GEMIN2: variants seen among roughly 807,000 people sequenced by gnomAD.
The protein encoded by GEMIN2 is gem nuclear organelle associated protein 2, also known as gem-associated protein 2.
Under a neutral mutation model 45.8 loss-of-function variants are expected in GEMIN2, and 37 were observed. The observed-to-expected ratio is 0.81, with a 90% CI of 0.62 to 1.06. The LOEUF (loss-of-function observed/expected upper bound fraction) is 1.06. GEMIN2 is among the 50% of genes least tolerant of loss of function. The probability of loss-of-function intolerance (pLI) is 0.00; values close to 1 mark genes in which losing one functional copy is unlikely to be tolerated. For missense variants in GEMIN2, 335 were observed against 321.8 expected, an observed-to-expected ratio of 1.04 and a Z score of -0.31; for synonymous variants, 101 against 111.5, an observed-to-expected ratio of 0.91 and a Z score of 0.60.
rs576451720 is a variant in GEMIN2, at chr14:39,131,083, A to T, written c.601-875A>T. On this transcript the variant is annotated intron_variant, in intron 7 of 9. Transcript: ENST00000308317. ...GAGGCTAAGGCAGGCAGATCACTTG[A>T]GGTCAGGAGTTCGAGACCAGCCTGA... 7.9e-5 allele frequency among the ~76,000 whole-genome samples: 12 copies of T among 152,254 alleles called. No homozygotes were observed. The South Asian group carries it at 2.5e-3, about 32-fold the overall frequency.
In GEMIN2 at chr14:39,131,958, G is replaced by A. The variant is rs749645047; in HGVS notation, c.601G>A (p.Gly201Arg). ...FGERDFTPELGRWLYALLACL... is the reference protein window; with the variant it reads ...FGERDFTPELRRWLYALLACL... Reference sequence around the variant, plus strand: ...ATTAATTTTTTGAATTTTTTTTTAGGGAAGATGGCTTTATGCTTTATTGGC... The same window carrying A: ...ATTAATTTTTTGAATTTTTTTTTAGAGAAGATGGCTTTATGCTTTATTGGC... Residue 201 changes from glycine (G) to arginine (R), a missense_variant and splice_region_variant, in exon 8 of 10, where the codon GGA becomes AGA. By Grantham distance (125) the Gly-to-Arg change is moderately radical. Transcript: ENST00000308317. 7 of 1,497,126 alleles carry A rather than the reference G, an allele frequency of 4.7e-6. No individual in the cohort carries two copies. The Admixed American group carries it at 5.4e-5, about 12-fold the overall frequency. The allele number at this position is 1,497,126 out of a possible 1,614,324, so 92.7% of individuals were successfully genotyped here.
intron 4 of GEMIN2, chr14:39,121,878 A>G (rs10132073): frequency 0.039 from 4,398 of 112,808 alleles, 103 homozygotes; most frequent in African/African-American, 0.073. Flanking sequence ...ACATCCGGCT[A>G]ATTTTTTTTT....
At chr14:39,114,712 G>A (rs2094790295) in intron 1 of GEMIN2, 117 bp from the exon 2 acceptor site, 1 of 695,708 alleles carries the variant, frequency 1.4e-6, no homozygotes, top group Admixed American at 2.7e-5. Context: ...ACCTCAATTG[G>A]AAGTCTGAAT....
At chr14:39,115,672 G>C (rs1370487637) in intron 2 of GEMIN2, among the ~76,000 whole-genome samples, 1 of 151,822 alleles carries the variant, frequency 6.6e-6, no homozygotes, top group South Asian at 2.1e-4. Context: ...GTCCAGTCTG[G>C]TCTTGAACTC....
At chr14:39,133,759 G>A in intron 9 of GEMIN2, 40 bp downstream of exon 9, 1 of 1,081,344 alleles carries the variant, frequency 9.2e-7, no homozygotes, top group Non-Finnish European at 1.3e-6. Flanking sequence ...TTATCAGTGA[G>A]GTCAGTGAGG....
chr14:39,122,168 T>C (rs1339844747), intron 4 of GEMIN2: 6 of 363,340 alleles, frequency 1.7e-5, no homozygotes, highest in Non-Finnish European at 3.0e-5. Flanking sequence ...ACTAGTAAGA[T>C]TGGATTACGG....
In GEMIN2 at chr14:39,136,454, G is replaced by A. The variant is rs751872461; in HGVS notation, c.785G>A (p.Arg262His). 20 of 1,570,282 alleles carry A rather than the reference G, an allele frequency of 1.3e-5. No homozygotes were observed. The highest frequency in any genetic ancestry group is 2.7e-5 in the African/African-American group (2 of 73,964). Reference sequence around the variant, plus strand: ...TTTTTTACTAGGTATTTTGACCAACGTGATTTAGCTGATGAGCCATCTTGA... The same window carrying A: ...TTTTTTACTAGGTATTTTGACCAACATGATTTAGCTGATGAGCCATCTTGA... ...ICLVSRYFDQ[R>H]DLADEPS The change falls in exon 10 of 10, where the codon CGT becomes CAT. Residue 262 changes from arginine (R) to histidine (H), a missense_variant. Physicochemically the swap from Arg to His is conservative, Grantham distance 29. Coordinates refer to ENST00000308317, the MANE Select transcript of GEMIN2 (RefSeq NM_003616.3).
chr14:39,117,837 G>A (rs2052528824), intron 2 of GEMIN2, among the ~76,000 whole-genome samples, 162 bp from the exon 3 acceptor site: 1 of 152,166 alleles, frequency 6.6e-6, no homozygotes, highest in Non-Finnish European at 1.5e-5. Context: ...AAATAATAAA[G>A]TGAAATGCCT....
Position 39,115,816 on chromosome 14 carries a change from T to C in GEMIN2, c.222+903T>C, listed in dbSNP as rs367956538. 4.6e-5 allele frequency among the ~76,000 whole-genome samples: 7 copies of C among 152,262 alleles called. No homozygotes were observed. The East Asian group carries it at 7.7e-4, about 17-fold the overall frequency. On this transcript the variant is annotated intron_variant, in intron 2 of 9. Transcript: ENST00000308317. The stretch of plus-strand genomic sequence containing the variant: ...TTCATTTATTTATTTATCCAGCACA[T>C]CTTTAATTAAGCAACTAGGTTGTGC...
In GEMIN2 at chr14:39,136,473, A is replaced by G; in HGVS notation, c.804A>G (p.Pro268=). The change falls in exon 10 of 10, where the codon CCA becomes CCG. Residue 268 remains proline (P), a synonymous_variant. Coordinates refer to ENST00000308317, the MANE Select transcript of GEMIN2 (RefSeq NM_003616.3). ...YFDQRDLADE[P]S is the part of the protein sequence containing the mutation. ...ACCAACGTGATTTAGCTGATGAGCC[A>G]TCTTGATGTAGCTGATCTCTCAGGG... The G allele has an allele frequency of 6.3e-7, 1 of 1,599,754 alleles. No homozygotes were observed. Among genetic ancestry groups the G allele is most frequent in the Admixed American group, 1.7e-5 (1 of 59,950 alleles).
rs1169023148 is a variant in GEMIN2 at position 39,123,982 on chromosome 14, C to G, written c.487-1010C>G. ...ACCATGTTGCAAGGTTGGCCTGAAA[C>G]TCCTGGGCTCAGGCAATCCTCCTGC... On this transcript the variant is annotated intron_variant, in intron 5 of 9. Transcript: ENST00000308317. Among the ~76,000 whole-genome samples the G allele has an allele frequency of 2.0e-5, 3 of 148,254 alleles. No homozygotes were observed. The Admixed American group carries it at 2.1e-4, about 10-fold the overall frequency.
At chr14:39,133,808 GTTTT>G in intron 9 of GEMIN2, 89 bp downstream of exon 9, 1 of 721,186 alleles carries the variant, frequency 1.4e-6, no homozygotes, top group South Asian at 1.9e-5. Context: ...TGTTTGGTTG[GTTTT>G]TTTTTGAGTC....
chr14:39,120,544 G>A (rs1454176045), intron 4 of GEMIN2, among the ~76,000 whole-genome samples: 1 of 152,216 alleles, frequency 6.6e-6, no homozygotes, highest in African/African-American at 2.4e-5. Context: ...GTTAGGAAAA[G>A]GTAGATAACC....
intron 3 of GEMIN2, among the ~76,000 whole-genome samples, 199 bp from the exon 4 acceptor site, chr14:39,118,341 T>C (rs1389601028): frequency 6.6e-6 from 1 of 152,222 alleles, no homozygotes; most frequent in African/African-American, 2.4e-5. Flanking sequence ...ATAAGTTCTT[T>C]AGTGGTGATT....
intron 9 of GEMIN2, among the ~76,000 whole-genome samples, chr14:39,135,820 T>A (rs1169147795): frequency 6.6e-6 from 1 of 152,220 alleles, no homozygotes; most frequent in Non-Finnish European, 1.5e-5. Flanking sequence ...ATTTGGAGTA[T>A]TTTAGCATCC....
Position 39,136,037 on chromosome 14 carries a change from G to A in GEMIN2, c.771-403G>A, listed in dbSNP as rs1055181447. ...GGAGTTCAAGACCAGTCTGGGAAAT[G>A]AGCCATGATCATGCCACTGCACTCC... On this transcript the variant is annotated intron_variant, in intron 9 of 9. Transcript: ENST00000308317. 7.2e-5 allele frequency among the ~76,000 whole-genome samples: 11 copies of A among 152,126 alleles called. No homozygotes were observed. In the East Asian group the frequency reaches 2.1e-3, roughly 29 times the overall value.
At chr14:39,128,998 C>G (rs2052681835) in intron 7 of GEMIN2, among the ~76,000 whole-genome samples, 1 of 152,116 alleles carries the variant, frequency 6.6e-6, no homozygotes, top group African/African-American at 2.4e-5. Flanking sequence ...TGCCTGTAAT[C>G]CCAACTACTA....
intron 7 of GEMIN2, 83 bp downstream of exon 7, chr14:39,128,431 C>T (rs2052673821): frequency 1.4e-6 from 1 of 705,186 alleles, no homozygotes; most frequent in Non-Finnish European, 2.5e-6. Context: ...TACAATGGTG[C>T]TCCTATAGGA....
chr14:39,135,406 TG>T (rs2052769433), intron 9 of GEMIN2, among the ~76,000 whole-genome samples: 1 of 151,774 alleles, frequency 6.6e-6, no homozygotes, highest in Non-Finnish European at 1.5e-5. Context: ...GCCAACATGG[TG>T]AAACCTCGCC....
Sources: gnomAD v4.1 joint callset for allele counts (sites outside exome capture counted in the v4.1 genomes callset) on GRCh38, gnomAD v4.1.1 for gene constraint, MANE v1.5 for transcripts, NCBI Gene and HGNC (gene_info 2026-07-23, HGNC 2026-07-21) for gene names.